Variants in NDUFAF6 observed in about 807,000 individuals in gnomAD.
NDUFAF6 encodes NADH:ubiquinone oxidoreductase complex assembly factor 6.
NDUFAF6 carries 45 observed loss-of-function variants against 40.8 expected under a neutral mutation model. The ratio of observed to expected loss-of-function variants is 1.10; its 90% confidence interval spans 0.87 to 1.42. NDUFAF6 has a LOEUF of 1.42. Among genes scored for constraint, NDUFAF6 ranks in the 40% most tolerant of loss-of-function variants. The probability of loss-of-function intolerance (pLI) is 0.00; values close to 1 mark genes in which losing one functional copy is unlikely to be tolerated. For synonymous variants in NDUFAF6, 185 were observed against 155.9 expected, an observed-to-expected ratio of 1.19 and a Z score of -1.39; for missense variants, 435 against 418.5, an observed-to-expected ratio of 1.04 and a Z score of -0.34.
At position 95,064,540 on chromosome 8, in the gene NDUFAF6, C is replaced by CGT. The variant is rs10559024; in HGVS notation, c.*512-11071_*512-11070dup. 4.0e-3 allele frequency among the ~76,000 whole-genome samples: 593 copies of CGT among 149,732 alleles called. 3 individuals carry two copies. The highest frequency in any genetic ancestry group is 0.013 in the African/African-American group (513 of 40,816). Reference sequence around the variant, plus strand: ...AGCCACTGTGATATTATCATTTATTCGTGTGTGTGTGTGTGTGTGTGTGCG... The same window carrying CGT: ...AGCCACTGTGATATTATCATTTATTCGTGTGTGTGTGTGTGTGTGTGTGTGCG... On this transcript the variant is annotated intron_variant and NMD_transcript_variant, in intron 9 of 9. Transcript: ENST00000520757.
chr8:94,998,063 A>G (rs1311812058), intron 2 of NDUFAF6, among the ~76,000 whole-genome samples: 1 of 152,188 alleles, frequency 6.6e-6, no homozygotes, highest in African/African-American at 2.4e-5. Context: ...TCAATCGGAG[A>G]AAGACTAGAT....
intron 1 of NDUFAF6, among the ~76,000 whole-genome samples, chr8:94,969,054 A>C (rs970672274): frequency 1.3e-5 from 2 of 152,160 alleles, no homozygotes; most frequent in Non-Finnish European, 2.9e-5. Context: ...AGCCAAATGA[A>C]GATGTTGCAG....
chr8:94,936,052 C>G (rs757057828), intron 1 of NDUFAF6, among the ~76,000 whole-genome samples: 1 of 152,166 alleles, frequency 6.6e-6, no homozygotes, highest in Non-Finnish European at 1.5e-5. Flanking sequence ...GAAACTGGCA[C>G]TTATGGCAAA....
At chr8:94,903,551 ATACT>A (rs1353853350) in intron 1 of NDUFAF6, among the ~76,000 whole-genome samples, 1 of 152,248 alleles carries the variant, frequency 6.6e-6, no homozygotes, top group African/African-American at 2.4e-5. Context: ...TTGTAGATAC[ATACT>A]TACGCAGTAA....
chr8:94,993,731 A>G (rs1826293249), intron 2 of NDUFAF6, among the ~76,000 whole-genome samples: 1 of 152,228 alleles, frequency 6.6e-6, no homozygotes, highest in African/African-American at 2.4e-5. Context: ...CAGGTAAGAC[A>G]AGCTAAAGAA....
intron 1 of NDUFAF6, among the ~76,000 whole-genome samples, chr8:94,904,412 G>A (rs1253283653): frequency 2.3e-5 from 3 of 131,408 alleles, no homozygotes; most frequent in East Asian, 2.3e-4. Context: ...TCCTGACCTC[G>A]TGATCTGCCC....
Position 94,994,097 on chromosome 8 carries a change from C to T in NDUFAF6, c.-84+13124C>T, listed in dbSNP as rs569508641. 9.8e-4 allele frequency among the ~76,000 whole-genome samples: 149 copies of T among 152,230 alleles called. No individual in the cohort carries two copies. In the Middle Eastern group the frequency reaches 0.014, roughly 14 times the overall value. ...TCTATTCAAATACTCACTCTCTCCC[C>T]TGCCCTGTGCTCCATGGGAAGAATA... On this transcript the variant is annotated intron_variant, in intron 2 of 9. Coordinates refer to the NDUFAF6 transcript ENST00000396111.
chr8:95,100,237 C>A (rs1391770986), upstream of NDUFAF6, among the ~76,000 whole-genome samples: 1 of 149,620 alleles, frequency 6.7e-6, no homozygotes, highest in Non-Finnish European at 1.5e-5. Flanking sequence ...AAGTGATTTC[C>A]TCCTCAGGAT....
At chr8:94,982,743 G>A (rs995852634) in intron 2 of NDUFAF6, among the ~76,000 whole-genome samples, 2 of 152,356 alleles carry the variant, frequency 1.3e-5, no homozygotes, top group South Asian at 2.1e-4. Flanking sequence ...AGTTGCTAGA[G>A]CATGCATGTA....
At chr8:94,966,920 T>G (rs764189852) in intron 1 of NDUFAF6, among the ~76,000 whole-genome samples, 22 of 152,192 alleles carry the variant, frequency 1.4e-4, no homozygotes, top group Non-Finnish European at 2.2e-4. Flanking sequence ...CTGCTTACAT[T>G]GGCCAAAACT....
At chr8:94,902,646 C>T (rs1175281585) in intron 1 of NDUFAF6, among the ~76,000 whole-genome samples, 1 of 151,576 alleles carries the variant, frequency 6.6e-6, no homozygotes, top group Non-Finnish European at 1.5e-5. Context: ...AATAAAGTCA[C>T]CCTGAACATT....
chr8:94,925,638 C>A (rs947721616), intron 1 of NDUFAF6, among the ~76,000 whole-genome samples: 1 of 149,866 alleles, frequency 6.7e-6, no homozygotes, highest in Non-Finnish European at 1.5e-5. Flanking sequence ...CTCCCAGGTT[C>A]AAGGGATTCT....
At chr8:95,006,355 C>A (rs1477728228) in intron 2 of NDUFAF6, among the ~76,000 whole-genome samples, 2 of 74,994 alleles carry the variant, frequency 2.7e-5, no homozygotes. Flanking sequence ...GACTCCGTCT[C>A]AAAAAAAAAA....
intron 2 of NDUFAF6, chr8:95,085,685 T>C (rs2880032): frequency 6.7e-6 from 1 of 148,634 alleles, no homozygotes; most frequent in Non-Finnish European, 1.5e-5. Flanking sequence ...AAAAAAAAAT[T>C]TTAAGAGATA....
intron 1 of NDUFAF6, among the ~76,000 whole-genome samples, chr8:94,909,846 G>C (rs1223953072): frequency 6.7e-6 from 1 of 149,532 alleles, no homozygotes; most frequent in African/African-American, 2.5e-5. Flanking sequence ...ATATATAAAA[G>C]AATTACAAAA....
intron 1 of NDUFAF6, chr8:94,941,123 A>G: frequency 3.4e-6 from 2 of 584,472 alleles, no homozygotes; most frequent in Non-Finnish European, 3.0e-6. Flanking sequence ...AAGTTATTTC[A>G]AATCAGCATG....
rs3817358 is a variant in NDUFAF6 at position 94,939,734 on chromosome 8, A to G, written c.-935-5749A>G. 5.3e-4 allele frequency: 710 copies of G among 1,334,212 alleles called. 8 individuals carry two copies. The East Asian group carries it at 0.016, about 31-fold the overall frequency. The allele number at this position is 1,334,212 out of a possible 1,614,324, so 82.6% of individuals were successfully genotyped here. On this transcript the variant is annotated intron_variant, in intron 1 of 14. Coordinates refer to the NDUFAF6 transcript ENST00000396113. ...TTACGGACCATCTTGTGTACTATGC[A>G]CATGCTTTCATAAATCTCTAACAAA...
intron 4 of NDUFAF6, among the ~76,000 whole-genome samples, chr8:95,044,076 G>C (rs1262826341): frequency 6.6e-6 from 1 of 152,144 alleles, no homozygotes; most frequent in Non-Finnish European, 1.5e-5. Context: ...AAAGAATAAA[G>C]TACCAATAGA....
intron 9 of NDUFAF6, chr8:95,069,073 CT>C: frequency 6.6e-6 from 1 of 151,930 alleles, no homozygotes. Context: ...CTCAAGAGTC[CT>C]CCTTTCTCTT....
Sources: allele counts gnomAD v4.1 joint callset (sites outside exome capture counted in the v4.1 genomes callset), GRCh38; gene constraint gnomAD v4.1.1; transcripts MANE v1.5; gene names NCBI Gene and HGNC (gene_info 2026-07-23, HGNC 2026-07-21).